The following AKR1C3 variants were observed in gnomAD, a reference collection of about 807,000 sequenced individuals.
AKR1C3 encodes the protein aldo-keto reductase family 1 member C3.
A neutral mutation model predicts 43.6 loss-of-function variants in AKR1C3; 48 were observed. The observed-to-expected ratio is 1.10, with a 90% confidence interval of 0.87 to 1.40. The LOEUF (loss-of-function observed/expected upper bound fraction) is 1.40. Ranked by LOEUF, AKR1C3 falls within the 40% of genes most tolerant of loss-of-function variation. AKR1C3 has a pLI of 0.00. For synonymous variants in AKR1C3, 162 were observed against 139.6 expected, an observed-to-expected ratio of 1.16 and a Z score of -1.13; for missense variants, 482 against 391.2, an observed-to-expected ratio of 1.23 and a Z score of -1.96.
At chr10:5,091,209 A>G (rs1839081340), upstream of AKR1C3, among the ~76,000 whole-genome samples, 1 of 152,072 alleles carries the variant, frequency 6.6e-6, no homozygotes, top group Non-Finnish European at 1.5e-5. Context: ...AGCAGAGAGA[A>G]AAAAAACTGA....
intron 1 of AKR1C3, among the ~76,000 whole-genome samples, chr10:5,061,102 C>G (rs58147699): frequency 6.6e-6 from 1 of 152,126 alleles, no homozygotes; most frequent in African/African-American, 2.4e-5. Context: ...AGTGCAGCGG[C>G]GGGCTGAAGG....
intron 1 of AKR1C3, among the ~76,000 whole-genome samples, chr10:5,073,310 A>G (rs1164913803): frequency 2.0e-5 from 3 of 152,182 alleles, no homozygotes; most frequent in Non-Finnish European, 4.4e-5. Flanking sequence ...TCTACTTTAT[A>G]GAGAGTTTTG....
chr10:5,104,531 TTTA>T (rs1212102420), intron 7 of AKR1C3, among the ~76,000 whole-genome samples: 3 of 82,788 alleles, frequency 3.6e-5, no homozygotes, highest in African/African-American at 6.7e-5. Context: ...TTTCTAACTC[TTTA>T]TTTTATTTGA....
rs190058662 is a variant in AKR1C3, at chr10:5,072,643, A to T, written c.84+23748A>T. On this transcript the variant is annotated intron_variant, in intron 1 of 8. Coordinates refer to the AKR1C3 transcript ENST00000439082. Reference sequence around the variant, plus strand: ...CCATGGGCCCCTTACTCCAAGCTACAACTGCCTGCTTGTCATAAAGAAATG... The same window carrying T: ...CCATGGGCCCCTTACTCCAAGCTACTACTGCCTGCTTGTCATAAAGAAATG... Among the ~76,000 whole-genome samples, 323 of 152,318 alleles carry T rather than the reference A, an allele frequency of 2.1e-3. 1 individual carries two copies. The highest frequency in any genetic ancestry group is 7.4e-3 in the African/African-American group (309 of 41,572).
chr10:5,083,543 T>G (rs1838884816), intron 1 of AKR1C3, among the ~76,000 whole-genome samples: 1 of 152,154 alleles, frequency 6.6e-6, no homozygotes, highest in African/African-American at 2.4e-5. Context: ...AACATACGTG[T>G]GCATGTGTCT....
chr10:5,073,543 C>CT (rs1452560065), intron 1 of AKR1C3, among the ~76,000 whole-genome samples: 3 of 152,134 alleles, frequency 2.0e-5, no homozygotes, highest in Non-Finnish European at 4.4e-5. Flanking sequence ...CATGGACCCC[C>CT]TTTCTCTCTC....
At chr10:5,054,411 G>T (rs1838216881) in intron 1 of AKR1C3, among the ~76,000 whole-genome samples, 2 of 152,162 alleles carry the variant, frequency 1.3e-5, no homozygotes, top group African/African-American at 4.8e-5. Flanking sequence ...CTTGAGCTTT[G>T]AGGGGTACTG....
At chr10:5,066,700 C>T (rs1838510884) in intron 1 of AKR1C3, among the ~76,000 whole-genome samples, 1 of 152,220 alleles carries the variant, frequency 6.6e-6, no homozygotes, top group African/African-American at 2.4e-5. Context: ...AGTCTACTCA[C>T]TTAACTTAGC....
At position 5,048,992 on chromosome 10, in the gene AKR1C3, C is replaced by G. The variant is rs970835866; in HGVS notation, c.84+97C>G. 5.5e-6 allele frequency: 5 copies of G among 907,660 alleles called. No individual in the cohort carries two copies. In the African/African-American group the frequency reaches 6.5e-5, roughly 12 times the overall value. 56.2% of individuals were successfully genotyped at this position (907,660 alleles called of 1,614,324 possible). On this transcript the variant is annotated intron_variant, in intron 1 of 8. Coordinates refer to the AKR1C3 transcript ENST00000439082. ...GTCAGGTTTGTGTTCGTGTATTACT[C>G]TGCATGACTCCAACCTGAGTTTCCC...
At position 5,082,543 on chromosome 10, in the gene AKR1C3, A is replaced by ATT. The variant is rs148160794; in HGVS notation, c.85-13858_85-13857dup. Reference sequence around the variant, plus strand: ...AAACTCGGCATCTGTTGGGATGATCATTTTTTTTTTGCTTTTAAGTATGTT... The same window carrying ATT: ...AAACTCGGCATCTGTTGGGATGATCATTTTTTTTTTTTGCTTTTAAGTATGTT... On this transcript the variant is annotated intron_variant, in intron 1 of 8. Coordinates refer to the AKR1C3 transcript ENST00000439082. Among the ~76,000 whole-genome samples, 1,216 of 148,538 alleles carry ATT rather than the reference A, an allele frequency of 8.2e-3. 20 individuals are homozygous for ATT. Among genetic ancestry groups the ATT allele is most frequent in the African/African-American group, 0.029 (1,164 of 40,520 alleles).
rs78395418 is a variant in AKR1C3 at position 5,103,884 on chromosome 10, T to C, written c.846+1234T>C. 1.2e-3 allele frequency among the ~76,000 whole-genome samples: 179 copies of C among 152,298 alleles called. 1 individual carries two copies. The highest frequency in any genetic ancestry group is 3.5e-3 in the East Asian group (18 of 5,190). ...GACATGTGAGTGTTGGAGGAAGTGTTTCTTATTAATCTATGATGGATTAAT... is the reference window on the plus strand; with the variant it reads ...GACATGTGAGTGTTGGAGGAAGTGTCTCTTATTAATCTATGATGGATTAAT... On this transcript the variant is annotated intron_variant, in intron 7 of 8. Coordinates refer to ENST00000380554, the MANE Select transcript of AKR1C3 (RefSeq NM_003739.6).
chr10:5,052,970 C>G (rs1177990584), intron 1 of AKR1C3, among the ~76,000 whole-genome samples: 5 of 152,034 alleles, frequency 3.3e-5, no homozygotes, highest in African/African-American at 4.8e-5. Context: ...CCGATTGGTG[C>G]ATTCACAAAC....
upstream of AKR1C3, among the ~76,000 whole-genome samples, chr10:5,091,216 C>A (rs542445027): frequency 1.3e-5 from 2 of 151,712 alleles, no homozygotes; most frequent in Non-Finnish European, 2.9e-5. Flanking sequence ...AGAAAAAAAA[C>A]TGATGATGCA....
chr10:5,105,716 T>G (rs938491970), intron 8 of AKR1C3, 39 bp downstream of exon 8: 2 of 1,538,972 alleles, frequency 1.3e-6, no homozygotes, highest in African/African-American at 2.7e-5. Flanking sequence ...AATTTATTTC[T>G]GGAGAAGGAA....
Position 5,098,650 on chromosome 10 carries a change from C to A in AKR1C3, c.370-152C>A, listed in dbSNP as rs1839272758. On this transcript the variant is annotated intron_variant, in intron 3 of 8. Transcript: ENST00000380554. ...TGTCTCCTGAATACATTCCTTATAC[C>A]TTCATATGTAAAACACTTAGCACAT... The A allele has an allele frequency of 4.6e-6, 3 of 646,878 alleles. No individual in the cohort carries two copies. The South Asian group carries it at 5.9e-5, about 13-fold the overall frequency. The allele number at this position is 646,878 out of a possible 1,614,324, so 40.1% of individuals were successfully genotyped here.
intron 5 of AKR1C3, chr10:5,099,728 G>A: frequency 2.2e-6 from 1 of 444,762 alleles, no homozygotes; most frequent in East Asian, 4.4e-5. Flanking sequence ...AGAACTCAAG[G>A]AAAGGTGGAC....
intron 1 of AKR1C3, among the ~76,000 whole-genome samples, chr10:5,087,698 T>C (rs1299876823): frequency 6.6e-6 from 1 of 152,034 alleles, no homozygotes; most frequent in Non-Finnish European, 1.5e-5. Context: ...CTGTATTGTA[T>C]TTTTTTGAAT....
At chr10:5,088,022 G>A (rs1228525931) in intron 1 of AKR1C3, among the ~76,000 whole-genome samples, 4 of 152,010 alleles carry the variant, frequency 2.6e-5, no homozygotes, top group Non-Finnish European at 5.9e-5. Context: ...CATGTTGTAT[G>A]TCTATTTTCA....
intron 1 of AKR1C3, among the ~76,000 whole-genome samples, chr10:5,060,458 G>A (rs1475216906): frequency 2.0e-5 from 3 of 152,228 alleles, no homozygotes; most frequent in African/African-American, 4.8e-5. Flanking sequence ...TAGATACAGA[G>A]TGTCGATTGG....
Sources: gnomAD v4.1 joint callset for allele counts (sites outside exome capture counted in the v4.1 genomes callset) on GRCh38, gnomAD v4.1.1 for gene constraint, MANE v1.5 for transcripts, NCBI Gene and HGNC (gene_info 2026-07-23, HGNC 2026-07-21) for gene names.